The following ZNF385D variants were observed in gnomAD, a reference collection of about 807,000 sequenced individuals.
ZNF385D encodes the protein zinc finger protein 659.
ZNF385D carries 15 observed loss-of-function variants against 35.8 expected under a neutral mutation model. That is an observed-to-expected ratio of 0.42 (90% CI 0.28 to 0.64). ZNF385D has a LOEUF of 0.64. Among genes scored for constraint, ZNF385D ranks in the 30% least tolerant of loss-of-function variants. The pLI is 0.23. For missense variants in ZNF385D, 474 were observed against 494.6 expected, an observed-to-expected ratio of 0.96 and a Z score of 0.39; for synonymous variants, 212 against 186.8, an observed-to-expected ratio of 1.13 and a Z score of -1.10.
intron 2 of ZNF385D, among the ~76,000 whole-genome samples, chr3:22,216,438 C>T (rs1220372330): frequency 6.6e-6 from 1 of 151,998 alleles, no homozygotes; most frequent in Non-Finnish European, 1.5e-5. Context: ...TCCATGATGG[C>T]AGTGGTGCTG....
chr3:22,175,750 A>C (rs1421107646), intron 2 of ZNF385D, among the ~76,000 whole-genome samples: 2 of 151,548 alleles, frequency 1.3e-5, no homozygotes, highest in Non-Finnish European at 2.9e-5. Flanking sequence ...ATATGTGTAT[A>C]AATTATACAT....
intron 2 of ZNF385D, among the ~76,000 whole-genome samples, chr3:22,264,527 T>C (rs1191364664): frequency 6.6e-6 from 1 of 152,040 alleles, no homozygotes; most frequent in African/African-American, 2.4e-5. Flanking sequence ...GTTTCTTTAT[T>C]TGAAGAACCT....
intron 3 of ZNF385D, among the ~76,000 whole-genome samples, chr3:21,878,537 C>CTTT (rs76508413): frequency 0.91 from 138,362 of 151,938 alleles, 63,389 homozygotes; most frequent in African/African-American, 0.95. Context: ...GCATGAAGTC[C>CTTT]TTATTTTTCA....
At chr3:22,252,764 G>T (rs1700127273) in intron 2 of ZNF385D, among the ~76,000 whole-genome samples, 2 of 152,000 alleles carry the variant, frequency 1.3e-5, no homozygotes, top group African/African-American at 4.8e-5. Flanking sequence ...TTTCACATAG[G>T]CCATAAAACA....
chr3:21,736,409 G>T (rs2069244730), intron 1 of ZNF385D, among the ~76,000 whole-genome samples: 1 of 152,148 alleles, frequency 6.6e-6, no homozygotes, highest in Non-Finnish European at 1.5e-5. Context: ...AAGAATCACT[G>T]AAATGTGGAA....
At chr3:22,056,796 T>C (rs1699425674) in intron 3 of ZNF385D, among the ~76,000 whole-genome samples, 1 of 152,218 alleles carries the variant, frequency 6.6e-6, no homozygotes, top group Non-Finnish European at 1.5e-5. Context: ...TCTCAGATTG[T>C]TTGGCTGGCC....
intron 3 of ZNF385D, among the ~76,000 whole-genome samples, chr3:21,995,615 A>G (rs1297387921): frequency 6.6e-6 from 1 of 151,826 alleles, no homozygotes; most frequent in Non-Finnish European, 1.5e-5. Context: ...AATGGTACAT[A>G]TGAGTGCCAG....
chr3:22,337,434 A>G (rs1263417798), intron 2 of ZNF385D, among the ~76,000 whole-genome samples: 1 of 152,116 alleles, frequency 6.6e-6, no homozygotes, highest in African/African-American at 2.4e-5. Context: ...CTCAAGAGGC[A>G]GAGGAGGGAG....
At chr3:21,442,886 A>AGTGTGT (rs4045435) in intron 4 of ZNF385D, among the ~76,000 whole-genome samples, 51,471 of 146,956 alleles carry the variant, frequency 0.35, 10,188 homozygotes, top group Non-Finnish European at 0.45. Context: ...TCTGTGTATA[A>AGTGTGT]GTGTGTGTGT....
chr3:21,665,724 C>T (rs1236786700), intron 1 of ZNF385D, among the ~76,000 whole-genome samples: 2 of 152,126 alleles, frequency 1.3e-5, no homozygotes, highest in Non-Finnish European at 2.9e-5. Context: ...CCAACAAAGA[C>T]ATCCCCTTTG....
chr3:21,438,521 C>T (rs1226192960), intron 4 of ZNF385D, among the ~76,000 whole-genome samples: 1 of 152,082 alleles, frequency 6.6e-6, no homozygotes, highest in Non-Finnish European at 1.5e-5. Context: ...TTCATCCAGG[C>T]ATAGGGGTGA....
chr3:21,563,559 C>T (rs2063031569), intron 3 of ZNF385D, among the ~76,000 whole-genome samples: 2 of 152,162 alleles, frequency 1.3e-5, no homozygotes, highest in African/African-American at 4.8e-5. Flanking sequence ...ATTTCCTATA[C>T]TCAATTATCT....
intron 2 of ZNF385D, among the ~76,000 whole-genome samples, chr3:22,351,393 C>T (rs1695909449): frequency 6.6e-6 from 1 of 151,892 alleles, no homozygotes; most frequent in Non-Finnish European, 1.5e-5. Flanking sequence ...GCAGTTTATA[C>T]AAAGACAAGG....
intron 3 of ZNF385D, among the ~76,000 whole-genome samples, chr3:21,842,494 T>C (rs1380588275): frequency 6.6e-6 from 1 of 152,008 alleles, no homozygotes; most frequent in Non-Finnish European, 1.5e-5. Context: ...GAAAGATGAC[T>C]TCAAGCCCCA....
At chr3:21,823,420 G>T (rs1456009363) in intron 3 of ZNF385D, among the ~76,000 whole-genome samples, 1 of 146,118 alleles carries the variant, frequency 6.8e-6, no homozygotes, top group Admixed American at 6.8e-5. Context: ...GCATGTGTAT[G>T]CCTGTAAGCC....
chr3:21,581,200 A>G (rs1414267663), intron 2 of ZNF385D, among the ~76,000 whole-genome samples: 3 of 152,300 alleles, frequency 2.0e-5, no homozygotes, highest in Non-Finnish European at 2.9e-5. Context: ...CCTGCTGGCA[A>G]TGCCTTACAT....
chr3:22,067,926 T>C (rs988927733), intron 3 of ZNF385D, among the ~76,000 whole-genome samples: 3 of 151,838 alleles, frequency 2.0e-5, no homozygotes, highest in Admixed American at 1.3e-4. Flanking sequence ...GGCGGGAGAA[T>C]TGCTTGAACC....
At chr3:21,852,625 G>A (rs1411918386) in intron 3 of ZNF385D, among the ~76,000 whole-genome samples, 1 of 151,880 alleles carries the variant, frequency 6.6e-6, no homozygotes, top group African/African-American at 2.4e-5. Context: ...ACTATCCTGA[G>A]CATAGCAGTA....
chr3:21,852,174 A>C (rs1696424037), intron 3 of ZNF385D, among the ~76,000 whole-genome samples: 1 of 152,006 alleles, frequency 6.6e-6, no homozygotes, highest in African/African-American at 2.4e-5. Flanking sequence ...TAAACAATTA[A>C]AAATTGCTCT....
Sources: allele counts gnomAD v4.1 joint callset (sites outside exome capture counted in the v4.1 genomes callset), GRCh38; gene constraint gnomAD v4.1.1; transcripts MANE v1.5; gene names NCBI Gene and HGNC (gene_info 2026-07-23, HGNC 2026-07-21).